The following PPP2R2B variants were observed in gnomAD, a reference collection of about 807,000 sequenced individuals.
The protein encoded by PPP2R2B is protein phosphatase 2 regulatory subunit Bbeta.
PPP2R2B carries 5 observed loss-of-function variants against 46.0 expected under a neutral mutation model. That is an observed-to-expected ratio of 0.11 (90% CI 0.06 to 0.23). PPP2R2B has a LOEUF of 0.23. PPP2R2B is among the 10% of genes least tolerant of loss of function. The probability of loss-of-function intolerance (pLI) is 1.00; values close to 1 mark genes in which losing one functional copy is unlikely to be tolerated. For missense variants in PPP2R2B, 367 were observed against 575.0 expected (o/e 0.64, Z 3.70); for synonymous variants, 215 against 206.7 (o/e 1.04, Z -0.34).
intron 1 of PPP2R2B, among the ~76,000 whole-genome samples, chr5:147,017,344 G>A (rs938007618): frequency 1.3e-5 from 2 of 151,596 alleles, no homozygotes; most frequent in Admixed American, 1.3e-4. Flanking sequence ...GGGCATGTGG[G>A]AGGGAGATGA....
At chr5:146,940,476 T>C (rs767302339) in intron 1 of PPP2R2B, among the ~76,000 whole-genome samples, 2 of 150,086 alleles carry the variant, frequency 1.3e-5, no homozygotes, top group African/African-American at 2.5e-5. Flanking sequence ...TCTGGCCAGA[T>C]GGAAGAAGTC....
At chr5:147,069,785 G>GTTTTTTTTTTTTTCTTTTTTTTT (rs1757523684) in intron 2 of PPP2R2B, among the ~76,000 whole-genome samples, 1 of 64,786 alleles carries the variant, frequency 1.5e-5, no homozygotes, top group African/African-American at 7.5e-5. Flanking sequence ...ATTTTATACT[G>GTTTTTTTTTTTTTCTTTTTTTTT]TTTTTTTTTT....
intron 2 of PPP2R2B, among the ~76,000 whole-genome samples, chr5:146,758,936 T>C (rs899820760): frequency 2.6e-5 from 4 of 152,172 alleles, no homozygotes; most frequent in Admixed American, 1.3e-4. Context: ...ATTTTTTTTT[T>C]CCCAAATGGA....
At chr5:146,824,738 CT>C (rs201658038) in intron 2 of PPP2R2B, among the ~76,000 whole-genome samples, 26,563 of 142,668 alleles carry the variant, frequency 0.19, 2,549 homozygotes, top group East Asian at 0.43. Flanking sequence ...AGAATCAATA[CT>C]TTTTTTTTTT....
At chr5:147,049,554 G>A (rs754700196) in intron 1 of PPP2R2B, among the ~76,000 whole-genome samples, 9 of 152,140 alleles carry the variant, frequency 5.9e-5, no homozygotes, top group African/African-American at 9.7e-5. Flanking sequence ...GATCACTTAC[G>A]AGCAAGTATA....
At chr5:146,928,675 A>G (rs1286768861) in intron 1 of PPP2R2B, among the ~76,000 whole-genome samples, 2 of 152,098 alleles carry the variant, frequency 1.3e-5, no homozygotes, top group Non-Finnish European at 2.9e-5. Context: ...CATACTCAAC[A>G]TGGCACCCAG....
intron 2 of PPP2R2B, among the ~76,000 whole-genome samples, chr5:146,849,928 A>G (rs1330163338): frequency 5.3e-5 from 8 of 152,212 alleles, no homozygotes; most frequent in Non-Finnish European, 1.5e-5. Context: ...GATCACTCCA[A>G]TAGCACAGCA....
intron 1 of PPP2R2B, among the ~76,000 whole-genome samples, chr5:146,917,204 T>C (rs1482220788): frequency 1.3e-5 from 2 of 152,192 alleles, no homozygotes; most frequent in Non-Finnish European, 2.9e-5. Context: ...GCTCCTGTAA[T>C]AACCAGCGAC....
intron 2 of PPP2R2B, among the ~76,000 whole-genome samples, chr5:146,864,396 C>CA (rs34780019): frequency 0.17 from 5,311 of 31,342 alleles, 1,678 homozygotes; most frequent in Non-Finnish European, 0.2. Context: ...TAGTATTAAC[C>CA]AAAAAAAAAA....
At chr5:146,724,175 G>A (rs1026171361) in intron 2 of PPP2R2B, among the ~76,000 whole-genome samples, 1 of 152,106 alleles carries the variant, frequency 6.6e-6, no homozygotes, top group Non-Finnish European at 1.5e-5. Context: ...TGAAAACATA[G>A]TGGTGTTAAG....
intron 1 of PPP2R2B, among the ~76,000 whole-genome samples, chr5:146,910,056 A>G (rs897336465): frequency 6.6e-6 from 1 of 152,186 alleles, no homozygotes; most frequent in Admixed American, 6.5e-5. Flanking sequence ...CATCTCCTGA[A>G]TAATGTTGAG....
At position 146,590,221 on chromosome 5, in the gene PPP2R2B, A is replaced by G; in HGVS notation, c.1058T>C (p.Ile353Thr). 1 of 1,570,828 alleles carries G rather than the reference A, an allele frequency of 6.4e-7. No individual in the cohort carries two copies. Reference protein sequence around the residue: ...ECVWNGSDSVIMTGSYNNFFR... With the variant: ...ECVWNGSDSVTMTGSYNNFFR... The stretch of plus-strand genomic sequence containing the variant: ...GAAGTTGTTGTAGGAGCCTGTCATG[A>G]TGACACTGCAAGGCAGAGAGCAAAG... The change falls in exon 10 of 10, where the codon ATC becomes ACC. Residue 353 changes from isoleucine to threonine, a missense_variant. This residue lies in a region of PPP2R2B where 361 missense variants were observed against 545.5 expected (regional missense o/e 0.66). Transcript: ENST00000394411.
rs542317975 is a variant in PPP2R2B, at chr5:146,831,846, A to G, written c.70+46156T>C. The stretch of plus-strand genomic sequence containing the variant: ...AGTCCTTCAGGAGGTATTCCAGAGG[A>G]AGGCATTGTTATTTTAGGTGATGAC... On this transcript the variant is annotated intron_variant, in intron 2 of 9. Coordinates refer to ENST00000394411, the MANE Select transcript of PPP2R2B (RefSeq NM_181675.4). Among the ~76,000 whole-genome samples, 13 of 152,294 alleles carry G rather than the reference A, an allele frequency of 8.5e-5. No individual in the cohort carries two copies. In the East Asian group the frequency reaches 2.3e-3, roughly 27 times the overall value.
chr5:147,059,861 G>A (rs1301791534), upstream of PPP2R2B, among the ~76,000 whole-genome samples: 1 of 152,104 alleles, frequency 6.6e-6, no homozygotes, highest in Non-Finnish European at 1.5e-5. Flanking sequence ...AATAGACTTG[G>A]AGTCTCCTAA....
At chr5:146,714,325 G>C (rs1182982933) in intron 2 of PPP2R2B, among the ~76,000 whole-genome samples, 1 of 152,112 alleles carries the variant, frequency 6.6e-6, no homozygotes. Flanking sequence ...AACTTGATCG[G>C]AGTAGGTTTC....
At chr5:146,760,969 A>G (rs1055298725) in intron 2 of PPP2R2B, among the ~76,000 whole-genome samples, 18 of 152,234 alleles carry the variant, frequency 1.2e-4, no homozygotes, top group Non-Finnish European at 2.1e-4. Flanking sequence ...ATGAGATACC[A>G]TCTCACACCA....
At chr5:146,651,167 C>T (rs144768707) in intron 5 of PPP2R2B, among the ~76,000 whole-genome samples, 15 of 152,158 alleles carry the variant, frequency 9.9e-5, no homozygotes, top group African/African-American at 2.9e-4. Flanking sequence ...CATCTCATGG[C>T]TTTGGAAGCT....
At position 146,972,440 on chromosome 5, in the gene PPP2R2B, G is replaced by A. The variant is rs1177290429; in HGVS notation, c.79+83225C>T. ...CAAGAGGGAGATGTTGGCTGGGCAC[G>A]GTGGCTCATGCCTGTAATCTCAGCA... On this transcript the variant is annotated intron_variant, in intron 1 of 8. Coordinates refer to the PPP2R2B transcript ENST00000336640. Among the ~76,000 whole-genome samples the A allele has an allele frequency of 3.3e-5, 5 of 152,224 alleles. No homozygotes were observed. In the South Asian group the frequency reaches 1.0e-3, roughly 32 times the overall value.
chr5:146,809,869 C>T (rs112451133), intron 2 of PPP2R2B, among the ~76,000 whole-genome samples: 17 of 152,214 alleles, frequency 1.1e-4, no homozygotes, highest in African/African-American at 3.9e-4. Context: ...GTCTGTAGTG[C>T]AGGTGGGAAA....
Sources: gnomAD v4.1 joint callset for allele counts (sites outside exome capture counted in the v4.1 genomes callset) on GRCh38, gnomAD v4.1.1 for gene constraint, gnomAD v4.1.1 regional missense constraint, MANE v1.5 for transcripts, NCBI Gene and HGNC (gene_info 2026-07-23, HGNC 2026-07-21) for gene names.